MAP4K4: variants seen among roughly 807,000 people sequenced by gnomAD.
MAP4K4 encodes the protein mitogen-activated protein kinase kinase kinase kinase 4.
In MAP4K4, 38 loss-of-function variants were observed where a neutral mutation model predicts 189.6. That is an observed-to-expected ratio of 0.20 (90% CI 0.15 to 0.26). The LOEUF (loss-of-function observed/expected upper bound fraction) is 0.26, where lower values mean the gene tolerates loss of function less well. Among genes scored for constraint, MAP4K4 ranks in the 10% least tolerant of loss-of-function variants. MAP4K4 has a pLI of 1.00. For synonymous variants in MAP4K4, 610 were observed against 624.3 expected (o/e 0.98, Z 0.34); for missense variants, 1,054 against 1,726.9 (o/e 0.61, Z 6.91).
intron 12 of MAP4K4, among the ~76,000 whole-genome samples, chr2:101,849,857 C>T (rs1467932403): frequency 6.6e-6 from 1 of 151,624 alleles, no homozygotes; most frequent in African/African-American, 2.4e-5. Flanking sequence ...TAGCAATACC[C>T]CATCTCTATT....
intron 28 of MAP4K4, 88 bp from the exon 29 acceptor site, chr2:101,885,097 TAA>T (rs993650158): frequency 7.1e-6 from 4 of 561,712 alleles, no homozygotes; most frequent in Non-Finnish European, 1.3e-5. Flanking sequence ...GGCATATTTA[TAA>T]AGTTTGCAGA....
At chr2:101,890,784 A>G (rs1451842001) in intron 32 of MAP4K4, among the ~76,000 whole-genome samples, 1 of 149,112 alleles carries the variant, frequency 6.7e-6, no homozygotes, top group Non-Finnish European at 1.5e-5. Context: ...TTTTTGAGAC[A>G]GAGTCTTGCT....
At position 101,887,762 on chromosome 2, in the gene MAP4K4, T is replaced by G; in HGVS notation, c.3772-16T>G. On this transcript the variant is annotated splice_polypyrimidine_tract_variant and intron_variant, in intron 30 of 32. Coordinates refer to ENST00000324219, the Ensembl canonical transcript of MAP4K4. ...ACCACAGACGTTCTTCCCTGTACTTTGTTCCTGTTCTCTAGATCCAGTGTA... is the reference window on the plus strand; with the variant it reads ...ACCACAGACGTTCTTCCCTGTACTTGGTTCCTGTTCTCTAGATCCAGTGTA... 10 of 1,596,658 alleles carry G rather than the reference T, an allele frequency of 6.3e-6. No homozygotes were observed. Among genetic ancestry groups the G allele is most frequent in the Non-Finnish European group, 6.8e-6 (8 of 1,171,000 alleles).
At chr2:101,769,339 G>A (rs2080191948) in intron 2 of MAP4K4, among the ~76,000 whole-genome samples, 1 of 152,148 alleles carries the variant, frequency 6.6e-6, no homozygotes, top group Admixed American at 6.5e-5. Flanking sequence ...AAGGTCCCTG[G>A]CCTCCTGGTG....
intron 2 of MAP4K4, among the ~76,000 whole-genome samples, chr2:101,767,257 G>A (rs992066398): frequency 1.3e-5 from 2 of 152,148 alleles, no homozygotes; most frequent in African/African-American, 2.4e-5. Flanking sequence ...TGGCATGTTT[G>A]GTATCCTCCT....
chr2:101,882,042 T>C (rs1161430389), intron 27 of MAP4K4, among the ~76,000 whole-genome samples: 1 of 152,222 alleles, frequency 6.6e-6, no homozygotes, highest in Non-Finnish European at 1.5e-5. Context: ...TACCAGACCA[T>C]ATGTAAGATA....
intron 2 of MAP4K4, among the ~76,000 whole-genome samples, chr2:101,787,691 C>T (rs1558925184): frequency 6.6e-6 from 1 of 152,096 alleles, no homozygotes; most frequent in Admixed American, 6.6e-5. Context: ...CATTGAGTCC[C>T]GGCTTTAGTT....
In MAP4K4 at chr2:101,870,281, T is replaced by G; in HGVS notation, c.2640-14T>G. On this transcript the variant is annotated splice_polypyrimidine_tract_variant and intron_variant, in intron 22 of 32. Transcript: ENST00000324219. Reference sequence around the variant, plus strand: ...GAGATTAAGGCCTTTCACGTCTGGATTTTTTCTCCATAGGTCATCTCTGAA... The same window carrying G: ...GAGATTAAGGCCTTTCACGTCTGGAGTTTTTCTCCATAGGTCATCTCTGAA... 1 of 1,611,212 alleles carries G rather than the reference T, an allele frequency of 6.2e-7. No homozygotes were observed. The highest frequency in any genetic ancestry group is 8.5e-7 in the Non-Finnish European group (1 of 1,178,524).
chr2:101,705,215 A>G (rs1173936899), intron 2 of MAP4K4, among the ~76,000 whole-genome samples: 1 of 152,198 alleles, frequency 6.6e-6, no homozygotes, highest in African/African-American at 2.4e-5. Context: ...GGTTTCATGC[A>G]GGTACTGTGG....
At chr2:101,893,577 A>G (rs1308225171) in exon 33 of MAP4K4, 2 of 195,374 alleles carry the variant, frequency 1.0e-5, no homozygotes, top group Non-Finnish European at 2.2e-5. Context: ...GGAGAACAGT[A>G]AAAGGTGGGC....
intron 2 of MAP4K4, among the ~76,000 whole-genome samples, chr2:101,778,242 T>C (rs2085341326): frequency 6.6e-6 from 1 of 152,174 alleles, no homozygotes; most frequent in Admixed American, 6.5e-5. Context: ...TTAAATATGC[T>C]GAAACCACCT....
rs532176096 is a variant in MAP4K4 at position 101,777,885 on chromosome 2, A to C, written c.124-12835A>C. ...GGCCACACTTGCAAGAAGTGAAGAG[A>C]CTTGTTCAGGTTCTTCAGTTTAGTG... On this transcript the variant is annotated intron_variant, in intron 2 of 32. Transcript: ENST00000324219. 2.6e-5 allele frequency among the ~76,000 whole-genome samples: 4 copies of C among 152,344 alleles called. No individual in the cohort carries two copies. In the East Asian group the frequency reaches 7.7e-4, roughly 29 times the overall value.
intron 7 of MAP4K4, among the ~76,000 whole-genome samples, chr2:101,832,086 C>G (rs949007487): frequency 6.6e-6 from 1 of 152,220 alleles, no homozygotes; most frequent in Non-Finnish European, 1.5e-5. Flanking sequence ...TCAAAGCAGT[C>G]TGGAGCACTT....
intron 3 of MAP4K4, among the ~76,000 whole-genome samples, chr2:101,806,658 G>A (rs530417439): frequency 5.9e-5 from 9 of 152,160 alleles, no homozygotes; most frequent in East Asian, 1.9e-4. Context: ...GATTGCAGGC[G>A]TGAGCCACTG....
intron 2 of MAP4K4, among the ~76,000 whole-genome samples, chr2:101,725,292 A>G (rs767505939): frequency 6.6e-6 from 1 of 152,128 alleles, no homozygotes; most frequent in Non-Finnish European, 1.5e-5. Context: ...CCATGCTTTC[A>G]TAATTAGTCA....
At chr2:101,846,410 T>C (rs1259607342) in intron 12 of MAP4K4, among the ~76,000 whole-genome samples, 1 of 152,132 alleles carries the variant, frequency 6.6e-6, no homozygotes, top group Non-Finnish European at 1.5e-5. Context: ...ATAGACTACT[T>C]TGGTGGTTTA....
intron 3 of MAP4K4, chr2:101,797,315 G>T (rs763287183): frequency 7.7e-7 from 1 of 1,290,868 alleles, no homozygotes; most frequent in East Asian, 5.6e-5. Context: ...TAGGGTGTTG[G>T]TGGCACTTTC....
chr2:101,807,041 C>CTTT (rs72332487), intron 3 of MAP4K4, among the ~76,000 whole-genome samples: 1 of 141,334 alleles, frequency 7.1e-6, no homozygotes, highest in African/African-American at 2.6e-5. Context: ...TTTTACCCTT[C>CTTT]TTTTTTTTTT....
At chr2:101,842,367 C>T (rs2096946318) in intron 10 of MAP4K4, among the ~76,000 whole-genome samples, 1 of 152,198 alleles carries the variant, frequency 6.6e-6, no homozygotes. Context: ...CATCCCCATA[C>T]AAGGTTGGCT....
Sources: allele counts gnomAD v4.1 joint callset (sites outside exome capture counted in the v4.1 genomes callset), GRCh38; gene constraint gnomAD v4.1.1; transcripts MANE v1.5; gene names NCBI Gene and HGNC (gene_info 2026-07-23, HGNC 2026-07-21).